The following TAOK3 variants were observed in gnomAD, a reference collection of about 807,000 sequenced individuals.
TAOK3 encodes the protein serine/threonine-protein kinase TAO3.
A neutral mutation model predicts 120.4 loss-of-function variants in TAOK3; 40 were observed. That is an observed-to-expected ratio of 0.33 (90% CI 0.26 to 0.43). TAOK3 has a LOEUF of 0.43. Ranked by LOEUF, TAOK3 falls within the 20% of genes least tolerant of loss-of-function variation. The probability of loss-of-function intolerance (pLI) is 1.00; values close to 1 mark genes in which losing one functional copy is unlikely to be tolerated. For synonymous variants in TAOK3, 355 were observed against 387.5 expected, an observed-to-expected ratio of 0.92 and a Z score of 0.99; for missense variants, 821 against 1,112.1, an observed-to-expected ratio of 0.74 and a Z score of 3.72.
At chr12:118,343,896 C>G (rs2044737706) in intron 1 of TAOK3, among the ~76,000 whole-genome samples, 1 of 151,596 alleles carries the variant, frequency 6.6e-6, no homozygotes, top group South Asian at 2.1e-4. Context: ...CCTGTAGTCC[C>G]AGCTACTCAG....
intron 17 of TAOK3, among the ~76,000 whole-genome samples, chr12:118,166,337 G>A (rs1170556841): frequency 1.3e-5 from 2 of 152,098 alleles, no homozygotes; most frequent in African/African-American, 4.8e-5. Context: ...TCAGGAGTTC[G>A]AGATCAGCCT....
chr12:118,341,542 T>A (rs562410433), intron 1 of TAOK3, among the ~76,000 whole-genome samples: 2 of 152,176 alleles, frequency 1.3e-5, no homozygotes, highest in Non-Finnish European at 2.9e-5. Context: ...CCAGATTAAG[T>A]TGCCCTAGCA....
At chr12:118,217,811 GTATACA>G (rs1408040762) in intron 9 of TAOK3, among the ~76,000 whole-genome samples, 1,873 of 75,240 alleles carry the variant, frequency 0.025, 111 homozygotes, top group African/African-American at 0.055. Flanking sequence ...GTGTGTGTGT[GTATACA>G]TATATATATA....
intron 17 of TAOK3, among the ~76,000 whole-genome samples, chr12:118,164,326 C>CA (rs138985138): frequency 0.12 from 18,204 of 149,854 alleles, 1,189 homozygotes; most frequent in Middle Eastern, 0.15. Flanking sequence ...GACTCCGTCT[C>CA]AAAAAAAACA....
intron 3 of TAOK3, 122 bp downstream of exon 3, chr12:118,255,326 T>C (rs1052870551): frequency 4.1e-5 from 40 of 977,286 alleles, no homozygotes; most frequent in Non-Finnish European, 4.4e-6. Context: ...TTGCCTAGGC[T>C]GGTCTTTCCT....
At chr12:118,170,637 C>T (rs1365794652) in intron 17 of TAOK3, among the ~76,000 whole-genome samples, 2 of 152,142 alleles carry the variant, frequency 1.3e-5, no homozygotes, top group Non-Finnish European at 2.9e-5. Context: ...GTGGTGTGTG[C>T]CCGTAATCCC....
In TAOK3 at chr12:118,152,258, A is replaced by G; in HGVS notation, c.2504T>C (p.Val835Ala). 1 of 1,613,500 alleles carries G rather than the reference A, an allele frequency of 6.2e-7. No homozygotes were observed. The highest frequency in any genetic ancestry group is 1.1e-5 in the South Asian group (1 of 91,032). The change falls in exon 20 of 21, where the codon GTG becomes GCG. Residue 835 changes from valine (V) to alanine (A), a missense_variant. By Grantham distance (64) the Val-to-Ala change is moderately conservative (BLOSUM62 0). Transcript: ENST00000392533. ...ERELQKLEQR[V>A]SLRRAHLEQK... Reference sequence around the variant, plus strand: ...CTCAAGGTGTGCTCTGCGCAGAGACACTCTCTGCTCTAGCTTCTGGAGCTC... The same window carrying G: ...CTCAAGGTGTGCTCTGCGCAGAGACGCTCTCTGCTCTAGCTTCTGGAGCTC...
At chr12:118,188,216 C>T (rs1286798001) in intron 14 of TAOK3, among the ~76,000 whole-genome samples, 6 of 152,286 alleles carry the variant, frequency 3.9e-5, no homozygotes, top group African/African-American at 9.6e-5. Context: ...TCAACATGAA[C>T]GGGTCTGGAT....
intron 1 of TAOK3, among the ~76,000 whole-genome samples, chr12:118,315,433 T>G (rs1392530696): frequency 6.8e-6 from 1 of 147,112 alleles, no homozygotes; most frequent in Non-Finnish European, 1.5e-5. Flanking sequence ...TTCAAATTTA[T>G]GCAAATGTTA....
intron 1 of TAOK3, among the ~76,000 whole-genome samples, chr12:118,318,679 C>A (rs1242183942): frequency 1.3e-5 from 2 of 152,022 alleles, no homozygotes; most frequent in Non-Finnish European, 2.9e-5. Context: ...GGAGGTTTCT[C>A]AAAAAATTAA....
intron 17 of TAOK3, among the ~76,000 whole-genome samples, chr12:118,168,285 T>A (rs897644960): frequency 1.7e-4 from 26 of 152,290 alleles, no homozygotes; most frequent in African/African-American, 6.0e-4. Flanking sequence ...TAGTTAACAA[T>A]GTTGTATTAC....
chr12:118,243,675 C>T (rs568497013), intron 4 of TAOK3, among the ~76,000 whole-genome samples, 159 bp from the exon 5 acceptor site: 1 of 151,982 alleles, frequency 6.6e-6, no homozygotes, highest in East Asian at 1.9e-4. Context: ...TTCTTTCTCT[C>T]TCTCTTTTTG....
chr12:118,182,099 T>A (rs2138899667), intron 14 of TAOK3, among the ~76,000 whole-genome samples: 1 of 151,988 alleles, frequency 6.6e-6, no homozygotes, highest in South Asian at 2.1e-4. Context: ...GCAGGAGAAT[T>A]GCTGGAACCC....
chr12:118,269,317 A>G (rs761419387), intron 1 of TAOK3, among the ~76,000 whole-genome samples: 3 of 150,466 alleles, frequency 2.0e-5, no homozygotes, highest in Middle Eastern at 6.8e-3. Context: ...TCTTGCCACC[A>G]TGCTGGGCTA....
intron 10 of TAOK3, among the ~76,000 whole-genome samples, chr12:118,213,505 A>C (rs1378187013): frequency 6.6e-6 from 1 of 152,218 alleles, no homozygotes; most frequent in Non-Finnish European, 1.5e-5. Context: ...TGCCCCTTTT[A>C]AAATAACTCT....
chr12:118,322,353 G>A (rs950143668), intron 1 of TAOK3, among the ~76,000 whole-genome samples: 1 of 150,182 alleles, frequency 6.7e-6, no homozygotes, highest in African/African-American at 2.4e-5. Flanking sequence ...AAGACACTGC[G>A]TTTGTTCTTT....
chr12:118,257,963 A>C (rs1353727222), intron 2 of TAOK3, among the ~76,000 whole-genome samples: 2 of 152,208 alleles, frequency 1.3e-5, no homozygotes, highest in African/African-American at 4.8e-5. Flanking sequence ...TAAATTATAA[A>C]GACACAAATG....
At chr12:118,177,156 C>A (rs2036395376) in intron 16 of TAOK3, 45 bp downstream of exon 16, 1 of 1,596,184 alleles carries the variant, frequency 6.3e-7, no homozygotes, top group Non-Finnish European at 8.6e-7. Flanking sequence ...TAAGTTCCAA[C>A]CATTCTAATG....
intron 13 of TAOK3, among the ~76,000 whole-genome samples, chr12:118,195,036 C>T (rs2037640487): frequency 1.3e-5 from 2 of 151,936 alleles, no homozygotes; most frequent in African/African-American, 4.8e-5. Flanking sequence ...TGTGAGCCAC[C>T]GTGCCTGGCC....
Sources: allele counts gnomAD v4.1 joint callset (sites outside exome capture counted in the v4.1 genomes callset), GRCh38; gene constraint gnomAD v4.1.1; transcripts MANE v1.5; gene names NCBI Gene and HGNC (gene_info 2026-07-23, HGNC 2026-07-21).